The following CDH12 variants were observed in gnomAD, a reference collection of about 807,000 sequenced individuals.
CDH12 encodes cadherin-12.
CDH12 carries 41 observed loss-of-function variants against 74.1 expected under a neutral mutation model. That is an observed-to-expected ratio of 0.55 (90% confidence interval 0.43 to 0.72). The LOEUF (loss-of-function observed/expected upper bound fraction) is 0.72, where lower values mean the gene tolerates loss of function less well. CDH12 is among the 30% of genes least tolerant of loss of function. The pLI is 0.00. For synonymous variants in CDH12, 399 were observed against 355.0 expected, an observed-to-expected ratio of 1.12 and a Z score of -1.39; for missense variants, 945 against 977.2, an observed-to-expected ratio of 0.97 and a Z score of 0.44.
chr5:22,279,194 A>C (rs1481330288), intron 3 of CDH12, among the ~76,000 whole-genome samples: 5 of 152,196 alleles, frequency 3.3e-5, no homozygotes, highest in African/African-American at 1.2e-4. Context: ...AGTAGTATCA[A>C]TTGAATAAGA....
chr5:21,927,518 G>A (rs531796775), intron 6 of CDH12, among the ~76,000 whole-genome samples: 1 of 152,280 alleles, frequency 6.6e-6, no homozygotes, highest in Middle Eastern at 3.4e-3. Flanking sequence ...TTGAACCCGG[G>A]AGGCGGAAGT....
chr5:22,725,486 C>T (rs1440870998), intron 1 of CDH12, among the ~76,000 whole-genome samples: 2 of 151,756 alleles, frequency 1.3e-5, no homozygotes, highest in Non-Finnish European at 3.0e-5. Context: ...CTACAATACA[C>T]GTGTCTTAGC....
chr5:22,079,639 A>G (rs1742581100), intron 4 of CDH12, among the ~76,000 whole-genome samples: 1 of 152,146 alleles, frequency 6.6e-6, no homozygotes, highest in African/African-American at 2.4e-5. Context: ...GTATTACTTT[A>G]TAGACGTTGT....
In CDH12 at chr5:21,975,260, T is replaced by C; in HGVS notation, c.357A>G (p.Arg119=). Residue 119 remains arginine, a synonymous_variant, in exon 6 of 15, where the codon AGA becomes AGG. Coordinates refer to ENST00000382254, the MANE Select transcript of CDH12 (RefSeq NM_004061.5). ...GDIHAIRSLD[R]EEKPFYTLRA... is the part of the protein sequence containing the mutation. The stretch of plus-strand genomic sequence containing the variant: ...GAAGAGTGTAGAAAGGTTTCTCTTC[T>C]CTATCTAGGCTCCTTATTGCATGAA... The C allele has an allele frequency of 6.3e-7, 1 of 1,597,322 alleles. No homozygotes were observed. Among genetic ancestry groups the C allele is most frequent in the Non-Finnish European group, 8.5e-7 (1 of 1,179,662 alleles).
At chr5:22,091,288 T>C (rs1743416874) in intron 4 of CDH12, among the ~76,000 whole-genome samples, 1 of 149,180 alleles carries the variant, frequency 6.7e-6, no homozygotes, top group Non-Finnish European at 1.5e-5. Flanking sequence ...TGTGTGTGTG[T>C]GTGAGAGAGA....
chr5:22,004,235 G>A (rs1736796033), intron 5 of CDH12, among the ~76,000 whole-genome samples: 1 of 152,176 alleles, frequency 6.6e-6, no homozygotes, highest in African/African-American at 2.4e-5. Context: ...TAAGACGCTT[G>A]TAAACTATTC....
intron 3 of CDH12, among the ~76,000 whole-genome samples, chr5:22,340,674 G>C (rs1234963815): frequency 6.6e-6 from 1 of 152,002 alleles, no homozygotes; most frequent in African/African-American, 2.4e-5. Flanking sequence ...ATTACAAGCT[G>C]TTTTGAGAAG....
chr5:22,301,928 C>A (rs1737900536), intron 3 of CDH12, among the ~76,000 whole-genome samples: 1 of 151,822 alleles, frequency 6.6e-6, no homozygotes, highest in Non-Finnish European at 1.5e-5. Flanking sequence ...TTCAGCCTCC[C>A]AAATTGCTAG....
intron 5 of CDH12, among the ~76,000 whole-genome samples, chr5:22,021,757 T>G (rs1302076373): frequency 1.3e-5 from 2 of 152,248 alleles, no homozygotes; most frequent in African/African-American, 2.4e-5. Flanking sequence ...TTGTGTTGGC[T>G]TGATCAATCC....
chr5:22,657,725 C>T (rs1446363871), intron 1 of CDH12, among the ~76,000 whole-genome samples: 1 of 152,060 alleles, frequency 6.6e-6, no homozygotes, highest in Non-Finnish European at 1.5e-5. Flanking sequence ...AGTATAAACT[C>T]ACGTGCTTTC....
intron 4 of CDH12, among the ~76,000 whole-genome samples, chr5:22,128,391 C>T (rs771477456): frequency 6.6e-6 from 1 of 151,156 alleles, no homozygotes; most frequent in Admixed American, 6.6e-5. Context: ...AAATATAATC[C>T]TAAGAGAAAA....
chr5:22,178,228 A>G (rs187542550), intron 4 of CDH12, among the ~76,000 whole-genome samples: 16 of 152,246 alleles, frequency 1.1e-4, no homozygotes, highest in South Asian at 2.1e-4. Flanking sequence ...TTAGATCTCA[A>G]AGTTAAACTC....
Position 22,586,620 on chromosome 5 carries a change from G to A in CDH12, c.-522-81256C>T, listed in dbSNP as rs1318411703. Among the ~76,000 whole-genome samples, 14 of 151,770 alleles carry A rather than the reference G, an allele frequency of 9.2e-5. 1 individual carries two copies. Among genetic ancestry groups the A allele is most frequent in the African/African-American group, 3.1e-4 (13 of 41,432 alleles). ...TTACATAAAGATGAATAAACATTTT[G>A]AAGCTTGCTCTGCTGAATTTTTCTC... On this transcript the variant is annotated intron_variant, in intron 1 of 14. Coordinates refer to ENST00000382254, the MANE Select transcript of CDH12 (RefSeq NM_004061.5).
At chr5:22,222,516 C>A (rs1366984693) in intron 3 of CDH12, among the ~76,000 whole-genome samples, 1 of 151,820 alleles carries the variant, frequency 6.6e-6, no homozygotes, top group Non-Finnish European at 1.5e-5. Flanking sequence ...AATTTGTACT[C>A]TTTTTCACTT....
At chr5:21,833,426 ATAT>A (rs1184084424) in intron 8 of CDH12, among the ~76,000 whole-genome samples, 2 of 110,582 alleles carry the variant, frequency 1.8e-5, no homozygotes, top group African/African-American at 3.7e-5. Context: ...ACATTATTAT[ATAT>A]TATTAATTAC....
intron 2 of CDH12, among the ~76,000 whole-genome samples, chr5:22,501,241 T>C (rs1023369429): frequency 5.3e-5 from 8 of 152,164 alleles, no homozygotes; most frequent in Non-Finnish European, 1.0e-4. Flanking sequence ...TTGAGTGTGA[T>C]TTTAAGAGCA....
chr5:22,003,183 A>G (rs998588701), intron 5 of CDH12, among the ~76,000 whole-genome samples: 1 of 152,120 alleles, frequency 6.6e-6, no homozygotes, highest in African/African-American at 2.4e-5. Context: ...AATTTTCAGT[A>G]TGATGCATGT....
chr5:21,939,814 C>A lies in CDH12; in HGVS notation c.526+35277G>T, dbSNP rs187879282. Among the ~76,000 whole-genome samples the A allele has an allele frequency of 3.2e-3, 492 of 152,230 alleles. 8 individuals carry two copies. Among genetic ancestry groups the A allele is most frequent in the Admixed American group, 4.1e-3 (62 of 15,274 alleles). On this transcript the variant is annotated intron_variant, in intron 6 of 14. Transcript: ENST00000382254. ...TATTCCTTCTTTGGACATGCTTTGG[C>A]AGTTTTTACCTAATGTATACACATT...
intron 5 of CDH12, among the ~76,000 whole-genome samples, chr5:22,012,158 A>G (rs1359440735): frequency 2.0e-5 from 3 of 152,092 alleles, no homozygotes; most frequent in African/African-American, 4.8e-5. Context: ...TATATATGCT[A>G]TTGGAATTTC....
Sources: allele counts gnomAD v4.1 joint callset (sites outside exome capture counted in the v4.1 genomes callset), GRCh38; gene constraint gnomAD v4.1.1; transcripts MANE v1.5; gene names NCBI Gene and HGNC (gene_info 2026-07-23, HGNC 2026-07-21).